PKNOX2: variants seen among roughly 807,000 people sequenced by gnomAD.
The protein encoded by PKNOX2 is homeobox protein PKNOX2.
Under a neutral mutation model 53.1 loss-of-function variants are expected in PKNOX2, and 14 were observed. That is an observed-to-expected ratio of 0.26 (90% CI 0.17 to 0.41). The LOEUF (loss-of-function observed/expected upper bound fraction) is 0.41. PKNOX2 is among the 10% of genes least tolerant of loss of function. The probability of loss-of-function intolerance (pLI) is 1.00; values close to 1 mark genes in which losing one functional copy is unlikely to be tolerated. For synonymous variants in PKNOX2, 257 were observed against 242.8 expected, an observed-to-expected ratio of 1.06 and a Z score of -0.54; for missense variants, 496 against 602.8, an observed-to-expected ratio of 0.82 and a Z score of 1.85.
rs751133405 is a variant in PKNOX2, at chr11:125,431,288, G to A, written c.1315G>A (p.Glu439Lys). The stretch of plus-strand genomic sequence containing the variant: ...TGGGACAGAAGAAGAGGATGAGGAT[G>A]AGATGGAAGAGGAGGAGGAGGAGGA... ...LDGTEEEDED[E>K]MEEEEEEELE... The change falls in exon 13 of 13, where the codon GAG becomes AAG. Residue 439 changes from glutamate to lysine, a missense_variant. Around this residue, in one of 5 missense-constraint regions of PKNOX2, gnomAD observed 139 missense variants for 161.3 expected, o/e 0.86. Coordinates refer to ENST00000298282, the MANE Select transcript of PKNOX2 (RefSeq NM_001382323.2). 6 of 1,612,692 alleles carry A rather than the reference G, an allele frequency of 3.7e-6. No homozygotes were observed. The Admixed American group carries it at 8.3e-5, about 22-fold the overall frequency.
intron 2 of PKNOX2, among the ~76,000 whole-genome samples, chr11:125,261,777 G>A (rs565696014): frequency 2.0e-5 from 3 of 152,340 alleles, no homozygotes; most frequent in South Asian, 2.1e-4. Context: ...CGCTCTTTCC[G>A]ATCTGCAAAC....
chr11:125,282,240 C>G (rs1012531181), intron 2 of PKNOX2, among the ~76,000 whole-genome samples: 9 of 152,198 alleles, frequency 5.9e-5, no homozygotes, highest in African/African-American at 1.7e-4. Flanking sequence ...TGACCTCTGC[C>G]CATTTTTAGC....
chr11:125,410,613 G>A, intron 8 of PKNOX2, 166 bp from the exon 9 acceptor site: 1 of 663,774 alleles, frequency 1.5e-6, no homozygotes, highest in South Asian at 1.9e-5. Flanking sequence ...CTAGGCTCTA[G>A]ACACCATCCC....
rs116966236 is a variant in PKNOX2, at chr11:125,333,853, G to T, written c.-23+1928G>T. ...AAGCTGGCACCAGAGGGGAAGGGCT[G>T]GGGTGGAGGGGGTAGCAATTACACA... is the stretch of plus-strand genomic sequence containing the variant. On this transcript the variant is annotated intron_variant, in intron 3 of 12. Coordinates refer to ENST00000298282, the MANE Select transcript of PKNOX2 (RefSeq NM_001382323.2). Among the ~76,000 whole-genome samples, 3 of 152,286 alleles carry T rather than the reference G, an allele frequency of 2.0e-5. No homozygotes were observed. The East Asian group carries it at 5.8e-4, about 29-fold the overall frequency.
At chr11:125,217,101 G>C (rs1180230570) in intron 1 of PKNOX2, among the ~76,000 whole-genome samples, 4 of 151,470 alleles carry the variant, frequency 2.6e-5, no homozygotes, top group African/African-American at 9.7e-5. Context: ...TCACACACAT[G>C]CATGAACACC....
intron 1 of PKNOX2, among the ~76,000 whole-genome samples, chr11:125,189,447 G>GTGTGTGTGTGTATATATA (rs1256963392): frequency 4.3e-5 from 1 of 23,462 alleles, no homozygotes; most frequent in African/African-American, 1.6e-4. Flanking sequence ...GTGTGTGTGT[G>GTGTGTGTGTGTATATATA]TATATATATA....
intron 1 of PKNOX2, among the ~76,000 whole-genome samples, chr11:125,226,292 T>C (rs1475167559): frequency 6.6e-6 from 1 of 152,220 alleles, no homozygotes; most frequent in Non-Finnish European, 1.5e-5. Context: ...TCTTCTCCAC[T>C]GATTTTTAAC....
At chr11:125,182,472 C>G (rs1956209797) in intron 1 of PKNOX2, among the ~76,000 whole-genome samples, 1 of 152,150 alleles carries the variant, frequency 6.6e-6, no homozygotes. Flanking sequence ...TTAACTTTGG[C>G]CAAATGTCTT....
chr11:125,418,540 G>T (rs1956009262), intron 10 of PKNOX2, among the ~76,000 whole-genome samples: 1 of 152,008 alleles, frequency 6.6e-6, no homozygotes, highest in African/African-American at 2.4e-5. Context: ...CTGTACCCCA[G>T]GAACAGCGGG....
At chr11:125,424,184 C>T (rs1176230209) in intron 10 of PKNOX2, among the ~76,000 whole-genome samples, 1 of 151,934 alleles carries the variant, frequency 6.6e-6, no homozygotes, top group East Asian at 1.9e-4. Flanking sequence ...GGGGTGGTTA[C>T]ATGGGTGTTT....
At chr11:125,354,867 G>A (rs967491484) in intron 4 of PKNOX2, among the ~76,000 whole-genome samples, 1 of 152,172 alleles carries the variant, frequency 6.6e-6, no homozygotes, top group African/African-American at 2.4e-5. Context: ...GCGGCTTCTA[G>A]CCCCTTAGTT....
chr11:125,349,889 C>T (rs958820452), intron 3 of PKNOX2, among the ~76,000 whole-genome samples: 2 of 150,790 alleles, frequency 1.3e-5, no homozygotes, highest in Non-Finnish European at 1.5e-5. Context: ...CCCTGGAGGC[C>T]AGCCCCTTTA....
At chr11:125,221,284 C>G (rs943630827) in intron 1 of PKNOX2, among the ~76,000 whole-genome samples, 22 of 152,294 alleles carry the variant, frequency 1.4e-4, no homozygotes, top group African/African-American at 5.3e-4. Context: ...CCAGGGGCAC[C>G]TTGGTACTGG....
At chr11:125,380,423 G>A (rs1196491678) in intron 5 of PKNOX2, among the ~76,000 whole-genome samples, 1 of 152,044 alleles carries the variant, frequency 6.6e-6, no homozygotes, top group Admixed American at 6.6e-5. Flanking sequence ...GGAGGGAGGC[G>A]ACATGGGGAG....
chr11:125,234,344 T>C (rs562001813), intron 1 of PKNOX2, among the ~76,000 whole-genome samples: 105 of 152,362 alleles, frequency 6.9e-4, no homozygotes, highest in Middle Eastern at 3.4e-3. Flanking sequence ...GGACAGCATG[T>C]GTAGATTACA....
intron 6 of PKNOX2, among the ~76,000 whole-genome samples, chr11:125,393,560 A>G (rs543373514): frequency 2.0e-5 from 3 of 152,244 alleles, no homozygotes; most frequent in South Asian, 2.1e-4. Flanking sequence ...TTCTAACACC[A>G]TCAGGCGTGA....
At chr11:125,343,173 A>C (rs1477891491) in intron 3 of PKNOX2, among the ~76,000 whole-genome samples, 1 of 152,136 alleles carries the variant, frequency 6.6e-6, no homozygotes, top group African/African-American at 2.4e-5. Context: ...CCCTAAGTTG[A>C]ACATCACTGG....
chr11:125,242,107 G>A (rs1438972854), intron 2 of PKNOX2, among the ~76,000 whole-genome samples: 2 of 152,126 alleles, frequency 1.3e-5, no homozygotes, highest in Non-Finnish European at 2.9e-5. Context: ...AGATGAGTAG[G>A]GGCACTTCAT....
rs1434214884 is a variant in PKNOX2, at chr11:125,367,698, G to A, written c.88-148G>A. 16 of 792,938 alleles carry A rather than the reference G, an allele frequency of 2.0e-5. No individual in the cohort carries two copies. In the East Asian group the frequency reaches 2.4e-4, roughly 12 times the overall value. 49.1% of individuals were successfully genotyped at this position (792,938 alleles called of 1,614,324 possible). A position where few individuals can be genotyped will look rare whatever the true frequency, so the allele number is the denominator to read the frequency against. On this transcript the variant is annotated intron_variant, in intron 4 of 12. Transcript: ENST00000298282. ...TTTCTTCCCACTGTAGCACACGTACGAATGGATGCTCATTGTGTGCTCACA... is the reference window on the plus strand; with the variant it reads ...TTTCTTCCCACTGTAGCACACGTACAAATGGATGCTCATTGTGTGCTCACA...
Sources: allele counts gnomAD v4.1 joint callset (sites outside exome capture counted in the v4.1 genomes callset), GRCh38; gene constraint gnomAD v4.1.1; regional missense constraint gnomAD v4.1.1; transcripts MANE v1.5; gene names NCBI Gene and HGNC (gene_info 2026-07-23, HGNC 2026-07-21).